Variants in PCDH15 observed in about 807,000 individuals in gnomAD.
The protein encoded by PCDH15 is protocadherin related 15.
Under a neutral mutation model 178.5 loss-of-function variants are expected in PCDH15, and 129 were observed. That is an observed-to-expected ratio of 0.72 (90% CI 0.63 to 0.84). PCDH15 has a LOEUF of 0.84. Ranked by LOEUF, PCDH15 falls within the 40% of genes least tolerant of loss-of-function variation. PCDH15 has a pLI of 0.00. For synonymous variants in PCDH15, 800 were observed against 732.0 expected (o/e 1.09, Z -1.50); for missense variants, 2,230 against 2,099.9 (o/e 1.06, Z -1.21).
intron 5 of PCDH15, among the ~76,000 whole-genome samples, chr10:54,358,539 A>G (rs1194837735): frequency 6.6e-6 from 1 of 152,132 alleles, no homozygotes; most frequent in Non-Finnish European, 1.5e-5. Flanking sequence ...GTGGAGAAAT[A>G]GGAACACTTT....
At chr10:54,229,932 A>G (rs185017157) in intron 9 of PCDH15, among the ~76,000 whole-genome samples, 10 of 152,130 alleles carry the variant, frequency 6.6e-5, no homozygotes, top group Admixed American at 4.6e-4. Context: ...AAGATGGAAA[A>G]CATTTTTTGT....
At chr10:54,466,734 T>G (rs2077545039) in intron 3 of PCDH15, among the ~76,000 whole-genome samples, 1 of 152,034 alleles carries the variant, frequency 6.6e-6, no homozygotes, top group Non-Finnish European at 1.5e-5. Context: ...GAGATTGCAA[T>G]GAATTTGTAG....
In PCDH15 at chr10:54,501,089, G is replaced by C. The variant is rs183740805; in HGVS notation, c.157+26723C>G. On this transcript the variant is annotated intron_variant, in intron 3 of 37. Transcript: ENST00000644397. ...AACATCACACAATGGGGCCTGTCAG[G>C]GGGTGGGAGGCAAGGGAAGGGATAG... 5.0e-4 allele frequency among the ~76,000 whole-genome samples: 76 copies of C among 152,110 alleles called. 2 individuals are homozygous for C. Among genetic ancestry groups the C allele is most frequent in the Non-Finnish European group, 2.9e-4 (20 of 68,004 alleles).
intron 23 of PCDH15, among the ~76,000 whole-genome samples, chr10:53,954,248 T>C (rs2087386864): frequency 6.6e-6 from 1 of 152,206 alleles, no homozygotes; most frequent in African/African-American, 2.4e-5. Flanking sequence ...AGTAGGTTTT[T>C]CCTTTAGTAA....
At chr10:54,404,477 T>C (rs1358298411) in intron 3 of PCDH15, among the ~76,000 whole-genome samples, 3 of 151,994 alleles carry the variant, frequency 2.0e-5, no homozygotes, top group Admixed American at 2.0e-4. Context: ...ATGCAGAAGA[T>C]TAAAACTAGA....
chr10:54,662,017 C>T (rs1034172579), intron 2 of PCDH15, among the ~76,000 whole-genome samples: 1 of 151,848 alleles, frequency 6.6e-6, no homozygotes, highest in African/African-American at 2.4e-5. Context: ...AATAATACCT[C>T]AAAAGCAAAT....
chr10:54,008,700 A>G (rs2092467463), intron 20 of PCDH15, among the ~76,000 whole-genome samples: 1 of 127,818 alleles, frequency 7.8e-6, no homozygotes, highest in Non-Finnish European at 1.6e-5. Flanking sequence ...GAAAAGGGGA[A>G]ATGTCATTAA....
chr10:53,998,222 A>G (rs1164317694), intron 20 of PCDH15, among the ~76,000 whole-genome samples: 2 of 152,094 alleles, frequency 1.3e-5, no homozygotes, highest in African/African-American at 2.4e-5. Context: ...AAAACCCATA[A>G]TATTTGTTTC....
intron 15 of PCDH15, among the ~76,000 whole-genome samples, chr10:54,108,701 G>C (rs2094960149): frequency 6.6e-6 from 1 of 152,094 alleles, no homozygotes; most frequent in African/African-American, 2.4e-5. Context: ...TCAACCCCAG[G>C]CAGCACAACT....
chr10:55,381,481 T>G (rs555573314), intron 2 of PCDH15, among the ~76,000 whole-genome samples: 10 of 151,852 alleles, frequency 6.6e-5, no homozygotes, highest in Non-Finnish European at 1.0e-4. Context: ...CCAAGAGAGA[T>G]GAAAGGTCAT....
At chr10:53,937,211 A>G (rs1046162602) in intron 25 of PCDH15, among the ~76,000 whole-genome samples, 10 of 152,206 alleles carry the variant, frequency 6.6e-5, no homozygotes, top group Admixed American at 5.2e-4. Flanking sequence ...TTGTATTCAC[A>G]TATAAGAACT....
chr10:54,138,450 TTG>T (rs549172110), intron 14 of PCDH15, among the ~76,000 whole-genome samples: 162 of 152,280 alleles, frequency 1.1e-3, no homozygotes, highest in African/African-American at 3.8e-3. Context: ...GTGTTGGCGA[TTG>T]TGTGTGTTTG....
chr10:54,526,409 G>A (rs1170801435), intron 3 of PCDH15, among the ~76,000 whole-genome samples: 1 of 152,144 alleles, frequency 6.6e-6, no homozygotes, highest in Middle Eastern at 3.2e-3. Flanking sequence ...GGTTAAAAAG[G>A]TTAACTGTTT....
At chr10:55,098,895 T>TGAGAGATAGAGAGAGAGAGAGAGAGAGA (rs1842508799) in intron 2 of PCDH15, among the ~76,000 whole-genome samples, 1 of 120,198 alleles carries the variant, frequency 8.3e-6, no homozygotes, top group African/African-American at 3.4e-5. Context: ...AAAACTTCAA[T>TGAGAGATAGAGAGAGAGAGAGAGAGAGA]GAGAGAGAGA....
intron 2 of PCDH15, among the ~76,000 whole-genome samples, chr10:55,432,082 AACAC>A (rs58866288): frequency 2.0e-4 from 29 of 148,498 alleles, no homozygotes; most frequent in Admixed American, 4.7e-4. Flanking sequence ...CTATCATTTA[AACAC>A]ACACACACAC....
intron 6 of PCDH15, among the ~76,000 whole-genome samples, chr10:54,334,778 T>C (rs1940708737): frequency 6.6e-6 from 1 of 152,148 alleles, no homozygotes; most frequent in Non-Finnish European, 1.5e-5. Context: ...TCAATGGGCC[T>C]GTAATTGAGA....
At chr10:54,744,723 TGTAAA>T (rs1945242019) in intron 1 of PCDH15, among the ~76,000 whole-genome samples, 1 of 152,096 alleles carries the variant, frequency 6.6e-6, no homozygotes, top group South Asian at 2.1e-4. Flanking sequence ...TTAAGAAAAA[TGTAAA>T]GTGTTACAAA....
intron 1 of PCDH15, among the ~76,000 whole-genome samples, chr10:55,181,818 AT>A (rs1173460214): frequency 2.0e-5 from 3 of 151,988 alleles, no homozygotes; most frequent in Admixed American, 2.0e-4. Flanking sequence ...AACTAAAATA[AT>A]TTTTAATACA....
At chr10:54,033,696 C>T (rs1565078310) in intron 18 of PCDH15, among the ~76,000 whole-genome samples, 1 of 151,904 alleles carries the variant, frequency 6.6e-6, no homozygotes, top group African/African-American at 2.4e-5. Flanking sequence ...CCAGGCCTTC[C>T]TATTTATTTG....
Sources: allele counts gnomAD v4.1 joint callset (sites outside exome capture counted in the v4.1 genomes callset), GRCh38; gene constraint gnomAD v4.1.1; transcripts MANE v1.5; gene names NCBI Gene and HGNC (gene_info 2026-07-23, HGNC 2026-07-21).